FRAS1: variants seen among roughly 807,000 people sequenced by gnomAD.
FRAS1 encodes the protein extracellular matrix organizing protein FRAS1.
Under a neutral mutation model 435.2 loss-of-function variants are expected in FRAS1, and 290 were observed. That is an observed-to-expected ratio of 0.67 (90% CI 0.61 to 0.73). The LOEUF is 0.73. Among genes scored for constraint, FRAS1 ranks in the 30% least tolerant of loss-of-function variants. The probability of loss-of-function intolerance (pLI) is 0.00; values close to 1 mark genes in which losing one functional copy is unlikely to be tolerated. For missense variants in FRAS1, 4,860 were observed against 5,001.5 expected (o/e 0.97, Z 0.85); for synonymous variants, 1,800 against 1,851.0 (o/e 0.97, Z 0.71).
chr4:78,284,337 C>T, intron 12 of FRAS1, 68 bp from the exon 13 acceptor site: 1 of 1,321,246 alleles, frequency 7.6e-7, no homozygotes, highest in Non-Finnish European at 1.0e-6. Flanking sequence ...AGATTCTTTT[C>T]TGAAGGATGT....
Position 78,446,898 on chromosome 4 carries a change from A to G in FRAS1, c.6010+18A>G, listed in dbSNP as rs1281387820. Reference sequence around the variant, plus strand: ...TGACCACGGTAGGGCACGAACTGCTATGAAAAGCTTCTTAATTGAGATGCC... The same window carrying G: ...TGACCACGGTAGGGCACGAACTGCTGTGAAAAGCTTCTTAATTGAGATGCC... On this transcript the variant is annotated intron_variant, in intron 43 of 73. Coordinates refer to ENST00000512123, the MANE Select transcript of FRAS1 (RefSeq NM_025074.7). 4 of 1,592,148 alleles carry G rather than the reference A, an allele frequency of 2.5e-6. No homozygotes were observed. Among genetic ancestry groups the G allele is most frequent in the Non-Finnish European group, 3.4e-6 (4 of 1,169,230 alleles).
intron 2 of FRAS1, among the ~76,000 whole-genome samples, chr4:78,084,728 T>C (rs894107801): frequency 6.6e-6 from 1 of 152,096 alleles, no homozygotes; most frequent in African/African-American, 2.4e-5. Context: ...AGCTGGTTTT[T>C]CAATGAGCTC....
intron 2 of FRAS1, among the ~76,000 whole-genome samples, chr4:78,140,699 ATATGCATATACGTGTGTG>A (rs1720134804): frequency 1.3e-5 from 1 of 77,612 alleles, no homozygotes; most frequent in Admixed American, 1.3e-4. Context: ...ACATATGTGT[ATATGCATATACGTGTGTG>A]TATATGTATA....
At chr4:78,340,649 A>G (rs1730360075) in intron 20 of FRAS1, among the ~76,000 whole-genome samples, 1 of 152,210 alleles carries the variant, frequency 6.6e-6, no homozygotes. Context: ...CTGCCATAAC[A>G]AAATACCACA....
intron 2 of FRAS1, among the ~76,000 whole-genome samples, chr4:78,113,610 G>A (rs1578131415): frequency 6.6e-6 from 1 of 152,092 alleles, no homozygotes; most frequent in Non-Finnish European, 1.5e-5. Context: ...GTGTCTTTTG[G>A]CTCCATAAAT....
chr4:78,066,695 G>A (rs1740057802), intron 2 of FRAS1, among the ~76,000 whole-genome samples: 1 of 152,130 alleles, frequency 6.6e-6, no homozygotes, highest in Non-Finnish European at 1.5e-5. Context: ...TCTTCACCAT[G>A]TTTTTATTTT....
At chr4:78,447,358 ACTT>A (rs1441308686) in intron 43 of FRAS1, among the ~76,000 whole-genome samples, 10 of 148,176 alleles carry the variant, frequency 6.7e-5, no homozygotes, top group Non-Finnish European at 1.5e-4. Context: ...CCTTCTACCT[ACTT>A]CTTTTTTTTA....
At chr4:78,287,239 C>A (rs1005912230) in intron 14 of FRAS1, among the ~76,000 whole-genome samples, 2 of 152,154 alleles carry the variant, frequency 1.3e-5, no homozygotes, top group Non-Finnish European at 2.9e-5. Context: ...ATCATGAGAA[C>A]AGCATGGGGG....
At chr4:78,075,381 C>G (rs1318289945) in intron 2 of FRAS1, among the ~76,000 whole-genome samples, 1 of 152,140 alleles carries the variant, frequency 6.6e-6, no homozygotes, top group Non-Finnish European at 1.5e-5. Flanking sequence ...CAGGAACTGA[C>G]CTTCCTGGGG....
At chr4:78,540,460 T>C in intron 73 of FRAS1, 71 bp from the exon 74 acceptor site, 3 of 982,438 alleles carry the variant, frequency 3.1e-6, no homozygotes, top group Non-Finnish European at 4.4e-6. Flanking sequence ...TAGTGGCAAT[T>C]ATCCTTCCAT....
intron 2 of FRAS1, among the ~76,000 whole-genome samples, chr4:78,155,080 T>G (rs922342399): frequency 2.6e-5 from 4 of 152,216 alleles, no homozygotes; most frequent in African/African-American, 9.6e-5. Context: ...TTCACACAGA[T>G]AATAAAACAT....
intron 58 of FRAS1, among the ~76,000 whole-genome samples, chr4:78,484,760 A>G (rs750769265): frequency 1.3e-5 from 2 of 152,094 alleles, no homozygotes; most frequent in Non-Finnish European, 2.9e-5. Context: ...TTCTGTTTCT[A>G]TTTAGTGGAT....
chr4:78,116,476 T>C (rs902464864), intron 2 of FRAS1, among the ~76,000 whole-genome samples: 9 of 152,236 alleles, frequency 5.9e-5, no homozygotes, highest in African/African-American at 2.2e-4. Context: ...AGTCTCTTTG[T>C]AGGTCTCTAA....
In FRAS1 at chr4:78,318,657, A is replaced by T. The variant is rs149296756; in HGVS notation, c.1961-153A>T. On this transcript the variant is annotated intron_variant, in intron 17 of 73. Transcript: ENST00000512123. ...CCTCACTGTTCCTTTCACAAACATT[A>T]TTATCACTCTGTGCTTTGTATAGAA... 3.8e-4 allele frequency among the ~76,000 whole-genome samples: 58 copies of T among 152,326 alleles called. No homozygotes were observed. In the East Asian group the frequency reaches 0.011, roughly 29 times the overall value.
Position 78,530,062 on chromosome 4 carries a change from TG to T in FRAS1, c.10925+3406del, listed in dbSNP as rs543435875. On this transcript the variant is annotated intron_variant, in intron 70 of 73. Transcript: ENST00000512123. ...GTTGATTCATGTAGCTGTAGTTTGT[TG>T]CTCACTGCATTAAGGAATTCATTGT... Among the ~76,000 whole-genome samples the T allele has an allele frequency of 6.2e-4, 94 of 152,274 alleles. 1 individual carries two copies. The highest frequency in any genetic ancestry group is 2.1e-3 in the African/African-American group (86 of 41,548).
chr4:78,386,900 T>C (rs762908942), intron 28 of FRAS1, among the ~76,000 whole-genome samples: 1 of 152,078 alleles, frequency 6.6e-6, no homozygotes, highest in Non-Finnish European at 1.5e-5. Flanking sequence ...TCTGTCAAGA[T>C]TTGGATGAGA....
intron 59 of FRAS1, among the ~76,000 whole-genome samples, chr4:78,495,187 A>G (rs1409475390): frequency 2.6e-5 from 4 of 151,972 alleles, no homozygotes; most frequent in East Asian, 1.9e-4. Context: ...CTGATTTGCA[A>G]TGCTTTCTTA....
At chr4:78,229,872 T>C (rs1308912603) in intron 2 of FRAS1, among the ~76,000 whole-genome samples, 4 of 152,174 alleles carry the variant, frequency 2.6e-5, no homozygotes, top group Non-Finnish European at 5.9e-5. Context: ...TGAGAAGTTG[T>C]ACCATCATGA....
rs367736746 is a variant in FRAS1 at position 78,413,022 on chromosome 4, C to T, written c.4362C>T (p.Ile1454=). 1.2e-4 allele frequency: 201 copies of T among 1,610,728 alleles called. 1 individual carries two copies. The highest frequency in any genetic ancestry group is 4.9e-4 in the Admixed American group (29 of 59,650). ...QTRLESHMFN[I]AILPQTPEAP... is the part of the protein sequence containing the mutation. ...GCCTGGAGAGCCACATGTTCAACATCGCGATCTTACCACAGACACCTGAAG... is the reference window on the plus strand; with the variant it reads ...GCCTGGAGAGCCACATGTTCAACATTGCGATCTTACCACAGACACCTGAAG... The change falls in exon 32 of 74, where the codon ATC becomes ATT. Residue 1454 remains isoleucine, a synonymous_variant. Coordinates refer to ENST00000512123, the MANE Select transcript of FRAS1 (RefSeq NM_025074.7).
Sources: allele counts gnomAD v4.1 joint callset (sites outside exome capture counted in the v4.1 genomes callset), GRCh38; gene constraint gnomAD v4.1.1; transcripts MANE v1.5; gene names NCBI Gene and HGNC (gene_info 2026-07-23, HGNC 2026-07-21).